The following SIK2 variants were observed in gnomAD, a reference collection of about 807,000 sequenced individuals.
SIK2 encodes the protein serine/threonine-protein kinase SIK2.
In SIK2, 29 loss-of-function variants were observed where a neutral mutation model predicts 103.2. The ratio of observed to expected loss-of-function variants is 0.28; its 90% confidence interval spans 0.21 to 0.38. The LOEUF (loss-of-function observed/expected upper bound fraction) is 0.38. Ranked by LOEUF, SIK2 falls within the 10% of genes least tolerant of loss-of-function variation. SIK2 has a pLI of 1.00. For synonymous variants in SIK2, 412 were observed against 446.1 expected, an observed-to-expected ratio of 0.92 and a Z score of 0.96; for missense variants, 879 against 1,171.0, an observed-to-expected ratio of 0.75 and a Z score of 3.64.
chr11:111,613,703 C>T (rs553325000), intron 1 of SIK2, among the ~76,000 whole-genome samples: 1 of 152,036 alleles, frequency 6.6e-6, no homozygotes, highest in African/African-American at 2.4e-5. Flanking sequence ...ATTTTCATTA[C>T]GGTAATAATT....
rs1400108611 is a variant in SIK2, at chr11:111,720,888, CT to C, written c.1781-8del. 6.2e-7 allele frequency: 1 copy of C among 1,612,404 alleles called. No individual in the cohort carries two copies. Among genetic ancestry groups the C allele is most frequent in the Non-Finnish European group, 8.5e-7 (1 of 1,179,378 alleles). On this transcript the variant is annotated splice_polypyrimidine_tract_variant and intron_variant, in intron 11 of 14. Coordinates refer to ENST00000304987, the MANE Select transcript of SIK2 (RefSeq NM_015191.3). Reference sequence around the variant, plus strand: ...TTAGTTAAACTGTTTGGTCTTGGTGCTTTCTTTCAGGAATTGTAGCATTTAG... The same window carrying C: ...TTAGTTAAACTGTTTGGTCTTGGTGCTTCTTTCAGGAATTGTAGCATTTAG...
chr11:111,633,537 G>GT (rs1462092843), intron 3 of SIK2, among the ~76,000 whole-genome samples: 4 of 152,114 alleles, frequency 2.6e-5, no homozygotes, highest in African/African-American at 9.7e-5. Context: ...TTTGAAAGGA[G>GT]TTTTCTGTTG....
chr11:111,640,722 ATTTTTTTTT>A (rs58052684), intron 3 of SIK2, among the ~76,000 whole-genome samples: 15 of 65,906 alleles, frequency 2.3e-4, no homozygotes, highest in African/African-American at 6.7e-4. Flanking sequence ...GAAACAGGCA[ATTTTTTTTT>A]TTTTTTTTTT....
In SIK2 at chr11:111,711,734, C is replaced by T. The variant is rs564734538; in HGVS notation, c.1102-477C>T. ...TACCATCTCACCTACACCAAAAAGG[C>T]GGGTAGGGCAGGCAGAGACACAGCA... On this transcript the variant is annotated intron_variant, in intron 8 of 14. Coordinates refer to ENST00000304987, the MANE Select transcript of SIK2 (RefSeq NM_015191.3). Among the ~76,000 whole-genome samples, 184 of 152,306 alleles carry T rather than the reference C, an allele frequency of 1.2e-3. 1 individual carries two copies. Among genetic ancestry groups the T allele is most frequent in the African/African-American group, 3.8e-3 (158 of 41,568 alleles).
intron 1 of SIK2, among the ~76,000 whole-genome samples, chr11:111,608,153 T>C (rs530707850): frequency 3.7e-4 from 57 of 152,200 alleles, no homozygotes; most frequent in Non-Finnish European, 6.9e-4. Context: ...ATTCAGAACA[T>C]TGGTGTAGAA....
At chr11:111,717,132 G>T (rs575339569) in intron 9 of SIK2, among the ~76,000 whole-genome samples, 181 of 151,902 alleles carry the variant, frequency 1.2e-3, no homozygotes, top group African/African-American at 4.2e-3. Flanking sequence ...GGCTAACATG[G>T]TGAAACCCCA....
intron 3 of SIK2, among the ~76,000 whole-genome samples, chr11:111,638,204 C>T (rs1316707987): frequency 1.3e-5 from 2 of 152,224 alleles, no homozygotes; most frequent in Non-Finnish European, 2.9e-5. Context: ...TAACGCATGT[C>T]AGTATCCGGT....
intron 3 of SIK2, among the ~76,000 whole-genome samples, chr11:111,676,448 A>G (rs1194951817): frequency 1.3e-5 from 2 of 152,148 alleles, no homozygotes; most frequent in African/African-American, 4.8e-5. Context: ...TCTAATAACA[A>G]CCACTCTGAC....
intron 9 of SIK2, among the ~76,000 whole-genome samples, chr11:111,717,071 T>A (rs1591643583): frequency 6.6e-6 from 1 of 151,898 alleles, no homozygotes; most frequent in Admixed American, 6.5e-5. Flanking sequence ...TCCCAGCACT[T>A]TGGGAGGCTG....
chr11:111,711,558 G>A lies in SIK2; in HGVS notation c.1102-653G>A, dbSNP rs118156753. ...TTCAAAAACATAGCTTGCAGTAAGCGTAGCTTGCAGTAAGCTTCTCTCCTT... is the reference window on the plus strand; with the variant it reads ...TTCAAAAACATAGCTTGCAGTAAGCATAGCTTGCAGTAAGCTTCTCTCCTT... On this transcript the variant is annotated intron_variant, in intron 8 of 14. Transcript: ENST00000304987. Among the ~76,000 whole-genome samples the A allele has an allele frequency of 7.4e-3, 1,121 of 152,226 alleles. 8 individuals carry two copies. Among genetic ancestry groups the A allele is most frequent in the Middle Eastern group, 0.054 (16 of 294 alleles).
In SIK2 at chr11:111,712,232, G is replaced by A. The variant is rs768591613; in HGVS notation, c.1123G>A (p.Val375Met). Residue 375 changes from valine to methionine, a missense_variant, in exon 9 of 15, where the codon GTG (valine) becomes ATG (methionine). Val to Met is a conservative substitution (Grantham distance 21). Coordinates refer to ENST00000304987, the MANE Select transcript of SIK2 (RefSeq NM_015191.3). ...ACAGGCACAGACTGTGGGGCTCCCAGTGACCATGCATTCACCGAACATGAG... is the reference window on the plus strand; with the variant it reads ...ACAGGCACAGACTGTGGGGCTCCCAATGACCATGCATTCACCGAACATGAG... ...VAKAQTVGLP[V>M]TMHSPNMRLL... 6.2e-7 allele frequency: 1 copy of A among 1,614,220 alleles called. No individual in the cohort carries two copies. Among genetic ancestry groups the A allele is most frequent in the South Asian group, 1.1e-5 (1 of 91,086 alleles).
chr11:111,679,853 G>A (rs549429959), intron 3 of SIK2, among the ~76,000 whole-genome samples: 3 of 152,008 alleles, frequency 2.0e-5, no homozygotes, highest in South Asian at 2.1e-4. Flanking sequence ...GGCTGGGCAC[G>A]GTGGCTCACG....
chr11:111,650,138 A>G (rs1484802892), intron 3 of SIK2, among the ~76,000 whole-genome samples: 2 of 152,060 alleles, frequency 1.3e-5, no homozygotes, highest in Non-Finnish European at 2.9e-5. Context: ...CTAAACAACT[A>G]AAATACAGCT....
intron 3 of SIK2, among the ~76,000 whole-genome samples, chr11:111,628,646 C>G (rs550739322): frequency 6.6e-6 from 1 of 151,966 alleles, no homozygotes; most frequent in South Asian, 2.1e-4. Flanking sequence ...AGGCTGGTCT[C>G]CAGCTCCTGG....
At chr11:111,615,510 T>C (rs1041916735) in intron 1 of SIK2, among the ~76,000 whole-genome samples, 1 of 152,148 alleles carries the variant, frequency 6.6e-6, no homozygotes, top group African/African-American at 2.4e-5. Context: ...TTCTTTTTAA[T>C]TGCATGAAAA....
intron 3 of SIK2, among the ~76,000 whole-genome samples, chr11:111,660,968 G>A (rs1942460475): frequency 6.6e-6 from 1 of 150,866 alleles, no homozygotes; most frequent in African/African-American, 2.4e-5. Flanking sequence ...TTGAGTAGCT[G>A]GGATTAAGGC....
chr11:111,675,055 T>C lies in SIK2; in HGVS notation c.317-12946T>C, dbSNP rs568907580. On this transcript the variant is annotated intron_variant, in intron 3 of 14. Coordinates refer to ENST00000304987, the MANE Select transcript of SIK2 (RefSeq NM_015191.3). ...GTGAGCCACCACACCCAGCCTCTAC[T>C]GTGATAATGTTACATAACAAACAGC... Among the ~76,000 whole-genome samples the C allele has an allele frequency of 3.3e-5, 5 of 152,246 alleles. No individual in the cohort carries two copies. The East Asian group carries it at 9.7e-4, about 29-fold the overall frequency.
At chr11:111,658,548 G>C in intron 3 of SIK2, among the ~76,000 whole-genome samples, 1 of 152,178 alleles carries the variant, frequency 6.6e-6, no homozygotes. Flanking sequence ...TTCGAGACCA[G>C]CCTGGGCAAC....
Position 111,729,781 on chromosome 11 carries a change from A to T in SIK2, c.*5652A>T, listed in dbSNP as rs1407079913. 1 of 152,294 alleles carries T rather than the reference A, an allele frequency of 6.6e-6. No individual in the cohort carries two copies. Among genetic ancestry groups the T allele is most frequent in the Non-Finnish European group, 1.5e-5 (1 of 68,078 alleles). The allele number at this position is 152,294 out of a possible 1,614,324, so 9.4% of individuals were successfully genotyped here. A position where few individuals can be genotyped will look rare whatever the true frequency, so the allele number is the denominator to read the frequency against. ...GGGGAAGAGGCCGCCTTCAGGTGAC[A>T]GTGCAGCTGTCCAGGTGGCCGTGCA... On this transcript the variant is annotated 3_prime_UTR_variant, in exon 15 of 15. Transcript: ENST00000304987.
Sources: gnomAD v4.1 joint callset for allele counts (sites outside exome capture counted in the v4.1 genomes callset) on GRCh38, gnomAD v4.1.1 for gene constraint, MANE v1.5 for transcripts, NCBI Gene and HGNC (gene_info 2026-07-23, HGNC 2026-07-21) for gene names.